DDAH1: variants seen among roughly 807,000 people sequenced by gnomAD.
DDAH1 encodes dimethylarginine dimethylaminohydrolase 1, also known as N(G),N(G)-dimethylarginine dimethylaminohydrolase 1.
In DDAH1, 19 loss-of-function variants were observed where a neutral mutation model predicts 28.8. The observed-to-expected ratio is 0.66, with a 90% CI of 0.46 to 0.97. DDAH1 has a LOEUF of 0.97. DDAH1 is among the 50% of genes least tolerant of loss of function. DDAH1 has a pLI of 0.00. For synonymous variants in DDAH1, 153 were observed against 154.4 expected (o/e 0.99, Z 0.07); for missense variants, 326 against 375.9 (o/e 0.87, Z 1.10).
chr1:85,512,199 G>A (rs569733986), intron 1 of DDAH1, among the ~76,000 whole-genome samples: 2,322 of 152,060 alleles, frequency 0.015, 60 homozygotes, highest in African/African-American at 0.054. Flanking sequence ...TTCAACATAC[G>A]CAAATCAATA....
intron 1 of DDAH1, among the ~76,000 whole-genome samples, chr1:85,515,834 G>T (rs1438744315): frequency 2.0e-5 from 3 of 152,222 alleles, no homozygotes; most frequent in East Asian, 3.9e-4. Context: ...GGATGAGTTT[G>T]CTAGGGCTGC....
chr1:85,577,070 G>C (rs574951880), intron 1 of DDAH1, among the ~76,000 whole-genome samples: 1 of 152,016 alleles, frequency 6.6e-6, no homozygotes, highest in African/African-American at 2.4e-5. Context: ...GCGCGCCGCC[G>C]GAAACCTCGA....
chr1:85,564,761 TCAGGAGG>T, intron 1 of DDAH1, among the ~76,000 whole-genome samples: 1 of 150,910 alleles, frequency 6.6e-6, no homozygotes, highest in Middle Eastern at 3.2e-3. Context: ...TCCCAGCTAC[TCAGGAGG>T]CTGAGGCATG....
intron 1 of DDAH1, among the ~76,000 whole-genome samples, chr1:85,379,144 A>T (rs541389639): frequency 6.6e-6 from 1 of 152,326 alleles, no homozygotes; most frequent in East Asian, 1.9e-4. Context: ...ATATTAAGGG[A>T]TGTAAGTGGC....
intron 2 of DDAH1, among the ~76,000 whole-genome samples, chr1:85,473,546 TGAAGTTGCTTCATTTTCTTAC>T (rs1655691801): frequency 6.6e-6 from 1 of 152,174 alleles, no homozygotes; most frequent in African/African-American, 2.4e-5. Flanking sequence ...CCTTGTGAAA[TGAAGTTGCTTCATTTTCTTAC>T]GAAGCACAGA....
chr1:85,345,753 TACTCAG>T (rs1375695043), intron 4 of DDAH1, among the ~76,000 whole-genome samples: 2 of 152,154 alleles, frequency 1.3e-5, no homozygotes, highest in East Asian at 3.9e-4. Context: ...TAATCCCAGT[TACTCAG>T]GAGGCTGAGG....
At chr1:85,560,548 T>C (rs996640546) in intron 1 of DDAH1, among the ~76,000 whole-genome samples, 1 of 152,084 alleles carries the variant, frequency 6.6e-6, no homozygotes, top group Non-Finnish European at 1.5e-5. Flanking sequence ...TGAAAATATA[T>C]TATTGTAAGG....
chr1:85,557,760 C>A (rs1659016739), intron 1 of DDAH1, among the ~76,000 whole-genome samples: 1 of 151,968 alleles, frequency 6.6e-6, no homozygotes, highest in African/African-American at 2.4e-5. Context: ...GGCCCTATTC[C>A]AATATGACTG....
intron 1 of DDAH1, among the ~76,000 whole-genome samples, chr1:85,570,758 A>C (rs1260982016): frequency 6.6e-6 from 1 of 152,192 alleles, no homozygotes; most frequent in East Asian, 1.9e-4. Context: ...ATTCACTTTA[A>C]TCTGTACCTC....
intron 5 of DDAH1, 48 bp from the exon 6 acceptor site, chr1:85,321,616 C>T (rs749594936): frequency 1.4e-6 from 2 of 1,391,526 alleles, no homozygotes; most frequent in East Asian, 2.3e-5. Context: ...TTATGTTTTA[C>T]CATCCTCAGA....
intron 1 of DDAH1, among the ~76,000 whole-genome samples, chr1:85,513,068 G>C (rs1238176205): frequency 3.3e-5 from 5 of 152,168 alleles, no homozygotes; most frequent in African/African-American, 9.7e-5. Flanking sequence ...AAAGAACAAA[G>C]CTGGAGGCAT....
chr1:85,558,676 G>T (rs1394023409), intron 1 of DDAH1, among the ~76,000 whole-genome samples: 5 of 151,988 alleles, frequency 3.3e-5, no homozygotes, highest in Non-Finnish European at 7.4e-5. Flanking sequence ...TAAAATAAAA[G>T]TTTTAAAAGT....
chr1:85,482,959 T>C (rs1361037329), intron 2 of DDAH1, among the ~76,000 whole-genome samples: 1 of 152,164 alleles, frequency 6.6e-6, no homozygotes, highest in African/African-American at 2.4e-5. Flanking sequence ...GCATGGTGGC[T>C]CACGCCTGTA....
At chr1:85,351,363 T>C in intron 3 of DDAH1, 143 bp downstream of exon 3, 1 of 684,700 alleles carries the variant, frequency 1.5e-6, no homozygotes, top group South Asian at 2.0e-5. Flanking sequence ...CTTCTAAAAC[T>C]TCTAGTAAAT....
chr1:85,435,514 G>T lies in DDAH1; in HGVS notation c.303+29229C>A, dbSNP rs145071473. On this transcript the variant is annotated intron_variant, in intron 1 of 5. Coordinates refer to ENST00000284031, the MANE Select transcript of DDAH1 (RefSeq NM_012137.4). ...ATCCTAGTGGAGCTTACATGCTAGT[G>T]GGGGATAAAAAATAAATAAGTACAA... 9.9e-3 allele frequency among the ~76,000 whole-genome samples: 1,508 copies of T among 152,258 alleles called. 17 individuals carry two copies. Among genetic ancestry groups the T allele is most frequent in the South Asian group, 0.016 (76 of 4,810 alleles).
intron 1 of DDAH1, among the ~76,000 whole-genome samples, chr1:85,501,189 T>C (rs943992151): frequency 6.6e-6 from 1 of 152,208 alleles, no homozygotes; most frequent in African/African-American, 2.4e-5. Context: ...TTAAGTTTTG[T>C]TACGTTAATT....
chr1:85,400,529 C>T (rs1457633060), intron 1 of DDAH1, among the ~76,000 whole-genome samples: 1 of 152,032 alleles, frequency 6.6e-6, no homozygotes, highest in Non-Finnish European at 1.5e-5. Flanking sequence ...CTAAAATGTA[C>T]ATCTAATTAG....
At chr1:85,420,821 A>G (rs1653107622) in intron 1 of DDAH1, among the ~76,000 whole-genome samples, 1 of 152,170 alleles carries the variant, frequency 6.6e-6, no homozygotes, top group Admixed American at 6.5e-5. Flanking sequence ...ACTCCTCAGT[A>G]CTGATTTTCT....
At chr1:85,455,976 C>A (rs1654862781) in intron 1 of DDAH1, among the ~76,000 whole-genome samples, 1 of 152,164 alleles carries the variant, frequency 6.6e-6, no homozygotes, top group Non-Finnish European at 1.5e-5. Flanking sequence ...TTTTATTTAT[C>A]AAACTCCAAT....
Sources: allele counts gnomAD v4.1 joint callset (sites outside exome capture counted in the v4.1 genomes callset), GRCh38; gene constraint gnomAD v4.1.1; transcripts MANE v1.5; gene names NCBI Gene and HGNC (gene_info 2026-07-23, HGNC 2026-07-21).